Variants in XPO7 observed in about 807,000 individuals in gnomAD.
XPO7 encodes exportin 7, also known as exportin-7.
In XPO7, 21 loss-of-function variants were observed where a neutral mutation model predicts 144.3. The ratio of observed to expected loss-of-function variants is 0.15; its 90% CI spans 0.10 to 0.21. The LOEUF (loss-of-function observed/expected upper bound fraction) is 0.21, where lower values mean the gene tolerates loss of function less well. Among genes scored for constraint, XPO7 ranks in the 10% least tolerant of loss-of-function variants. XPO7 has a pLI of 1.00. For missense variants in XPO7, 808 were observed against 1,325.8 expected (o/e 0.61, Z 6.06); for synonymous variants, 580 against 499.6 (o/e 1.16, Z -2.15).
Position 21,982,213 on chromosome 8 carries a change from T to C in XPO7, c.1104+336T>C, listed in dbSNP as rs73543508. 3.3e-3 allele frequency among the ~76,000 whole-genome samples: 497 copies of C among 152,336 alleles called. 3 individuals carry two copies. Among genetic ancestry groups the C allele is most frequent in the African/African-American group, 0.012 (479 of 41,584 alleles). Reference sequence around the variant, plus strand: ...CCCTCTCTTTCTTAGTCATGTAATATAGAACAATGGGTCTCAAATTTTATG... The same window carrying C: ...CCCTCTCTTTCTTAGTCATGTAATACAGAACAATGGGTCTCAAATTTTATG... On this transcript the variant is annotated intron_variant, in intron 10 of 27. Coordinates refer to ENST00000252512, the MANE Select transcript of XPO7 (RefSeq NM_015024.5).
intron 1 of XPO7, among the ~76,000 whole-genome samples, chr8:21,934,948 G>T (rs1404903032): frequency 1.3e-5 from 2 of 152,206 alleles, no homozygotes; most frequent in East Asian, 1.9e-4. Flanking sequence ...CACAAAGCAG[G>T]TTGTGACATC....
At chr8:21,960,339 G>A (rs1811683984) in intron 1 of XPO7, among the ~76,000 whole-genome samples, 1 of 152,246 alleles carries the variant, frequency 6.6e-6, no homozygotes, top group Non-Finnish European at 1.5e-5. Flanking sequence ...TTGCCCTGCA[G>A]CTTTCTTTCC....
chr8:22,004,092 C>G (rs1406991774), intron 27 of XPO7, 62 bp downstream of exon 27: 1 of 1,599,678 alleles, frequency 6.3e-7, no homozygotes, highest in Non-Finnish European at 8.5e-7. Flanking sequence ...ATCAACGAAA[C>G]AGGCAGTTGC....
chr8:21,985,805 C>A, intron 13 of XPO7, 114 bp downstream of exon 13: 3 of 854,324 alleles, frequency 3.5e-6, no homozygotes, highest in Non-Finnish European at 3.8e-6. Context: ...GCCCATGAGA[C>A]ACAGCTTTCA....
At chr8:21,945,714 C>T (rs1585429302) in intron 1 of XPO7, among the ~76,000 whole-genome samples, 2 of 152,158 alleles carry the variant, frequency 1.3e-5, no homozygotes, top group East Asian at 3.9e-4. Context: ...ATTCCATTTC[C>T]TTTTGTATGG....
At chr8:21,937,258 G>GT (rs1810851506) in intron 1 of XPO7, among the ~76,000 whole-genome samples, 2 of 152,156 alleles carry the variant, frequency 1.3e-5, no homozygotes, top group Non-Finnish European at 2.9e-5. Context: ...ATTTGGATGT[G>GT]TTAAATGTAT....
At chr8:21,955,258 G>T (rs1434477091) in intron 1 of XPO7, among the ~76,000 whole-genome samples, 1 of 152,148 alleles carries the variant, frequency 6.6e-6, no homozygotes, top group African/African-American at 2.4e-5. Flanking sequence ...TTTTTATGAA[G>T]AAGGAGTGAA....
intron 19 of XPO7, 50 bp from the exon 20 acceptor site, chr8:21,994,313 A>T: frequency 7.1e-7 from 1 of 1,403,854 alleles, no homozygotes; most frequent in Non-Finnish European, 1.0e-6. Context: ...TCAGATTGTT[A>T]CAGTTTTGTC....
Position 21,919,802 on chromosome 8 carries a change from CGG to C in XPO7, c.18+20_18+21del. 2 of 504,458 alleles carry C rather than the reference CGG, an allele frequency of 4.0e-6. No individual in the cohort carries two copies. The highest frequency in any genetic ancestry group is 5.9e-6 in the Non-Finnish European group (2 of 336,214). The allele number at this position is 504,458 out of a possible 1,614,324, so 31.2% of individuals were successfully genotyped here. The stretch of plus-strand genomic sequence containing the variant: ...GATCATGTGCAGGTGAGAGGAGCCG[CGG>C]GGGGGAGGGGGCGACCACGAAGAGC... On this transcript the variant is annotated intron_variant, in intron 1 of 27. Coordinates refer to ENST00000252512, the MANE Select transcript of XPO7 (RefSeq NM_015024.5).
intron 1 of XPO7, among the ~76,000 whole-genome samples, chr8:21,946,503 T>G (rs13271130): frequency 1.3e-5 from 2 of 149,466 alleles, no homozygotes; most frequent in Non-Finnish European, 3.0e-5. Flanking sequence ...CTGCAAGTGG[T>G]TAAGAGACAT....
At position 21,941,271 on chromosome 8, in the gene XPO7, G is replaced by A. The variant is rs932254201; in HGVS notation, c.18+21483G>A. Among the ~76,000 whole-genome samples the A allele has an allele frequency of 4.6e-5, 7 of 151,744 alleles. No individual in the cohort carries two copies. In the South Asian group the frequency reaches 1.5e-3, roughly 32 times the overall value. ...TGGACTCAGGCAATCCTCCTACCTC[G>A]GTCTCCCTAGAAGGTGAAACTACAG... On this transcript the variant is annotated intron_variant, in intron 1 of 27. Transcript: ENST00000252512.
chr8:21,946,066 C>A (rs1247632934), intron 1 of XPO7, among the ~76,000 whole-genome samples: 4 of 152,124 alleles, frequency 2.6e-5, no homozygotes, highest in Non-Finnish European at 4.4e-5. Context: ...CTCGGGATTT[C>A]CATAGATTTA....
At chr8:21,930,875 C>T (rs369473545) in intron 1 of XPO7, among the ~76,000 whole-genome samples, 6 of 152,158 alleles carry the variant, frequency 3.9e-5, no homozygotes, top group East Asian at 3.9e-4. Context: ...ATACTGTTGC[C>T]CAAGCTAGAG....
intron 1 of XPO7, among the ~76,000 whole-genome samples, chr8:21,950,120 C>A (rs1470577496): frequency 6.6e-6 from 1 of 152,168 alleles, no homozygotes; most frequent in Non-Finnish European, 1.5e-5. Flanking sequence ...CACTGTTGGT[C>A]ATTTTTGTTA....
At chr8:22,004,118 A>G in intron 27 of XPO7, 88 bp downstream of exon 27, 2 of 1,558,430 alleles carry the variant, frequency 1.3e-6, no homozygotes, top group Non-Finnish European at 8.7e-7. Flanking sequence ...AGTCTTTGAC[A>G]TCTGTGTTTG....
chr8:21,969,222 T>C (rs550728632), intron 2 of XPO7, among the ~76,000 whole-genome samples: 2 of 152,216 alleles, frequency 1.3e-5, no homozygotes, highest in East Asian at 3.9e-4. Context: ...TCCCTCAGAG[T>C]GAAGCAGATA....
chr8:21,987,931 TG>T (rs1183641911), intron 15 of XPO7, 74 bp downstream of exon 15: 1 of 1,475,582 alleles, frequency 6.8e-7, no homozygotes, highest in African/African-American at 1.4e-5. Context: ...ATCTTGGCAT[TG>T]TGCTGCCAGT....
At chr8:21,977,736 A>C in intron 7 of XPO7, 34 bp from the exon 8 acceptor site, 1 of 1,607,200 alleles carries the variant, frequency 6.2e-7, no homozygotes, top group East Asian at 2.2e-5. Context: ...TTCATACTTA[A>C]TAAAGTGATG....
chr8:21,932,708 C>T (rs903885733), intron 1 of XPO7, among the ~76,000 whole-genome samples: 2 of 152,102 alleles, frequency 1.3e-5, no homozygotes, highest in East Asian at 1.9e-4. Flanking sequence ...TTATTTCTAA[C>T]GTTTAAATGT....
Sources: allele counts gnomAD v4.1 joint callset (sites outside exome capture counted in the v4.1 genomes callset), GRCh38; gene constraint gnomAD v4.1.1; transcripts MANE v1.5; gene names NCBI Gene and HGNC (gene_info 2026-07-23, HGNC 2026-07-21).